SWT1: variants seen among roughly 807,000 people sequenced by gnomAD.
SWT1 encodes the protein transcriptional protein SWT1.
In SWT1, 33 loss-of-function variants were observed where a neutral mutation model predicts 107.3. The ratio of observed to expected loss-of-function variants is 0.31; its 90% CI spans 0.23 to 0.41. The LOEUF is 0.41. Among genes scored for constraint, SWT1 ranks in the 10% least tolerant of loss-of-function variants. The pLI, the probability that SWT1 is intolerant of heterozygous loss-of-function variation, is 1.00. For synonymous variants in SWT1, 345 were observed against 348.3 expected (o/e 0.99, Z 0.11); for missense variants, 898 against 1,028.9 (o/e 0.87, Z 1.74).
rs1332750608 is a variant in SWT1 at position 185,255,780 on chromosome 1, G to A, written c.2442-15543G>A. 7.0e-3 allele frequency among the ~76,000 whole-genome samples: 1,058 copies of A among 150,310 alleles called. 18 individuals are homozygous for A. The highest frequency in any genetic ancestry group is 0.053 in the East Asian group (254 of 4,796). On this transcript the variant is annotated intron_variant, in intron 16 of 18. Transcript: ENST00000367500. ...TAATTGGAGCATTTAGTCCATTTAC[G>A]TTTAAAGTTAATATTGTTATGTGTG... is the stretch of plus-strand genomic sequence containing the variant.
At chr1:185,228,200 T>TACACAC (rs775084021) in intron 15 of SWT1, among the ~76,000 whole-genome samples, 10 of 145,004 alleles carry the variant, frequency 6.9e-5, no homozygotes, top group African/African-American at 2.7e-4. Flanking sequence ...CATATATATA[T>TACACAC]ACTCAGTATG....
In SWT1 at chr1:185,174,876, C is replaced by G; in HGVS notation, c.729C>G (p.Thr243=). Residue 243 remains threonine (T), a synonymous_variant, in exon 5 of 19, where the codon ACC becomes ACG. Transcript: ENST00000367500. ...SFKIPIKSRD[T]LQKLVEENVF... ...AAATCCCTATAAAATCCCGTGACAC[C>G]CTCCAGAAACTTGTAGAAGAAAATG... 6.2e-7 allele frequency: 1 copy of G among 1,613,892 alleles called. No homozygotes were observed.
chr1:185,208,199 T>G (rs1308762993), intron 13 of SWT1, among the ~76,000 whole-genome samples: 1 of 152,146 alleles, frequency 6.6e-6, no homozygotes, highest in Non-Finnish European at 1.5e-5. Flanking sequence ...ATTCTAACCT[T>G]AAAATCTTCA....
intron 16 of SWT1, among the ~76,000 whole-genome samples, chr1:185,250,010 A>C (rs531220401): frequency 5.3e-5 from 8 of 152,300 alleles, no homozygotes; most frequent in Middle Eastern, 3.4e-3. Context: ...GTTTTCTATG[A>C]ATCTTTATTG....
intron 10 of SWT1, among the ~76,000 whole-genome samples, chr1:185,198,091 C>T (rs907681546): frequency 5.3e-5 from 8 of 152,134 alleles, no homozygotes; most frequent in Non-Finnish European, 1.0e-4. Context: ...ATAAATTTCC[C>T]TCTAAACACT....
rs145195913 is a variant in SWT1, at chr1:185,184,834, C to G, written c.1332C>G (p.His444Gln). 1.3e-6 allele frequency: 2 copies of G among 1,593,458 alleles called. No homozygotes were observed. Among genetic ancestry groups the G allele is most frequent in the Non-Finnish European group, 1.7e-6 (2 of 1,172,460 alleles). The change falls in exon 9 of 19, where the codon CAC becomes CAG. Residue 444 changes from histidine to glutamine, a missense_variant. Coordinates refer to ENST00000367500, the MANE Select transcript of SWT1 (RefSeq NM_017673.7). Reference sequence around the variant, plus strand: ...GAAAACTACTAAAACGTGCCCAGCACAAAGCTATACCTGCAGTTCATTTCA... The same window carrying G: ...GAAAACTACTAAAACGTGCCCAGCAGAAAGCTATACCTGCAGTTCATTTCA... ...KEGKLLKRAQ[H>Q]KAIPAVHFIN...
chr1:185,285,427 A>T (rs1229774251), intron 18 of SWT1, among the ~76,000 whole-genome samples: 2 of 152,172 alleles, frequency 1.3e-5, no homozygotes, highest in Non-Finnish European at 2.9e-5. Context: ...TCAACATGTT[A>T]TATATTCTGG....
At chr1:185,231,427 CTA>C in intron 15 of SWT1, 148 bp from the exon 16 acceptor site, 1 of 637,854 alleles carries the variant, frequency 1.6e-6, no homozygotes. Context: ...TCGTATTTTA[CTA>C]TCTTTTATTT....
intron 16 of SWT1, among the ~76,000 whole-genome samples, chr1:185,267,479 A>G (rs962416907): frequency 7.2e-5 from 11 of 152,246 alleles, no homozygotes; most frequent in African/African-American, 2.2e-4. Context: ...AAAGGAAACC[A>G]GAGCACATCC....
At chr1:185,285,796 A>G (rs554710775) in intron 18 of SWT1, among the ~76,000 whole-genome samples, 14 of 152,136 alleles carry the variant, frequency 9.2e-5, no homozygotes, top group Non-Finnish European at 1.9e-4. Context: ...TCCTAATAGT[A>G]TTATTGTTGA....
intron 5 of SWT1, among the ~76,000 whole-genome samples, chr1:185,179,490 T>A (rs938885556): frequency 6.6e-6 from 1 of 152,186 alleles, no homozygotes; most frequent in Non-Finnish European, 1.5e-5. Flanking sequence ...AGACTTTGTT[T>A]GAAGACAAAA....
At chr1:185,285,875 G>A (rs553274532) in intron 18 of SWT1, among the ~76,000 whole-genome samples, 1 of 152,310 alleles carries the variant, frequency 6.6e-6, no homozygotes, top group East Asian at 1.9e-4. Context: ...ATATATGTGA[G>A]GGTTTACTTC....
chr1:185,228,477 G>A (rs987437932), intron 15 of SWT1, among the ~76,000 whole-genome samples: 3 of 151,656 alleles, frequency 2.0e-5, no homozygotes, highest in African/African-American at 7.3e-5. Context: ...AGCTGTGATT[G>A]TACCACCGTA....
intron 4 of SWT1, chr1:185,171,343 G>A (rs955340235): frequency 2.0e-5 from 4 of 201,310 alleles, no homozygotes; most frequent in African/African-American, 2.4e-5. Context: ...TTTAATCCTC[G>A]TCTTCCTCCT....
rs953490740 is a variant in SWT1 at position 185,174,249 on chromosome 1, T to C, written c.225-123T>C. ...GTAATCCTTTCCACTTCATTCTTAA[T>C]GTAGCTATTTCTACTTTTTATGAAG... On this transcript the variant is annotated intron_variant, in intron 4 of 18. Transcript: ENST00000367500. 41 of 684,084 alleles carry C rather than the reference T, an allele frequency of 6.0e-5. No individual in the cohort carries two copies. In the African/African-American group the frequency reaches 7.3e-4, roughly 12 times the overall value. The allele number at this position is 684,084 out of a possible 1,614,324, so 42.4% of individuals were successfully genotyped here. A position where few individuals can be genotyped will look rare whatever the true frequency, so the allele number is the denominator to read the frequency against.
intron 4 of SWT1, chr1:185,171,398 C>T (rs1451299314): frequency 4.7e-6 from 1 of 213,252 alleles, no homozygotes; most frequent in Admixed American, 5.9e-5. Flanking sequence ...TTCATAACCC[C>T]TTTTGCTGTT....
intron 16 of SWT1, among the ~76,000 whole-genome samples, chr1:185,248,250 G>C (rs965578189): frequency 2.6e-5 from 4 of 152,126 alleles, no homozygotes; most frequent in African/African-American, 9.7e-5. Flanking sequence ...TTTAATCTTA[G>C]GGACTAATAT....
At chr1:185,177,815 A>G (rs1655692953) in intron 5 of SWT1, among the ~76,000 whole-genome samples, 1 of 152,176 alleles carries the variant, frequency 6.6e-6, no homozygotes, top group Non-Finnish European at 1.5e-5. Flanking sequence ...TTGAAAATTA[A>G]TGTCCTAGAG....
chr1:185,163,349 GT>G (rs1229165042), intron 2 of SWT1, among the ~76,000 whole-genome samples: 1 of 149,034 alleles, frequency 6.7e-6, no homozygotes, highest in Non-Finnish European at 1.5e-5. Context: ...CAAGAAACCA[GT>G]TTCATTGCTC....
Sources: allele counts gnomAD v4.1 joint callset (sites outside exome capture counted in the v4.1 genomes callset), GRCh38; gene constraint gnomAD v4.1.1; transcripts MANE v1.5; gene names NCBI Gene and HGNC (gene_info 2026-07-23, HGNC 2026-07-21).